Variants in NPAS2 observed in about 807,000 individuals in gnomAD.
NPAS2 encodes the protein neuronal PAS domain-containing protein 2.
Under a neutral mutation model 107.5 loss-of-function variants are expected in NPAS2, and 23 were observed. The ratio of observed to expected loss-of-function variants is 0.21; its 90% CI spans 0.15 to 0.30. NPAS2 has a LOEUF of 0.30. NPAS2 is among the 10% of genes least tolerant of loss of function. The probability of loss-of-function intolerance (pLI) is 1.00; values close to 1 mark genes in which losing one functional copy is unlikely to be tolerated. For missense variants in NPAS2, 756 were observed against 1,043.3 expected (o/e 0.72, Z 3.79); for synonymous variants, 403 against 417.5 (o/e 0.97, Z 0.42).
intron 1 of NPAS2, among the ~76,000 whole-genome samples, chr2:100,877,445 C>CAAAA (rs72050213): frequency 3.2e-4 from 26 of 81,512 alleles, no homozygotes; most frequent in South Asian, 5.4e-4. Flanking sequence ...GACTCCGTCT[C>CAAAA]AAAAAAAAAA....
chr2:100,991,717 G>T (rs530250294), intron 19 of NPAS2, among the ~76,000 whole-genome samples: 1 of 152,264 alleles, frequency 6.6e-6, no homozygotes, highest in East Asian at 1.9e-4. Context: ...AAAACCCTAG[G>T]GTGTAGGCAC....
intron 1 of NPAS2, among the ~76,000 whole-genome samples, chr2:100,835,685 C>T (rs1022318253): frequency 6.6e-6 from 1 of 152,176 alleles, no homozygotes; most frequent in Non-Finnish European, 1.5e-5. Context: ...CATCTTTCTT[C>T]AGCTGAGCTT....
At chr2:100,984,224 C>G (rs545392749) in intron 16 of NPAS2, 1 of 152,228 alleles carries the variant, frequency 6.6e-6, no homozygotes, top group Non-Finnish European at 1.5e-5. Context: ...CACAGATAGT[C>G]GAGACAGAGG....
In NPAS2 at chr2:100,982,340, A is replaced by G; in HGVS notation, c.1592A>G (p.Gln531Arg). 6.2e-7 allele frequency: 1 copy of G among 1,614,230 alleles called. No individual in the cohort carries two copies. Among genetic ancestry groups the G allele is most frequent in the Non-Finnish European group, 8.5e-7 (1 of 1,180,048 alleles). The change falls in exon 16 of 21, where the codon CAG (glutamine) becomes CGG (arginine). Residue 531 changes from glutamine to arginine, a missense_variant. Physicochemically the swap from Gln to Arg is conservative, Grantham distance 43. Coordinates refer to ENST00000335681, the MANE Select transcript of NPAS2 (RefSeq NM_002518.4). Reference sequence around the variant, plus strand: ...CAACAGGAAGAGCTCCACAAGATCCAGGAGCAGCTCTGCCTGGTCCAGGAC... The same window carrying G: ...CAACAGGAAGAGCTCCACAAGATCCGGGAGCAGCTCTGCCTGGTCCAGGAC... ...RWQQEELHKI[Q>R]EQLCLVQDSN...
intron 1 of NPAS2, among the ~76,000 whole-genome samples, chr2:100,883,833 G>A (rs1380731848): frequency 6.6e-6 from 1 of 152,098 alleles, no homozygotes; most frequent in Non-Finnish European, 1.5e-5. Flanking sequence ...TGCCTCCCCC[G>A]AGGCCACCTA....
intron 16 of NPAS2, chr2:100,987,817 T>G (rs1307545393): frequency 7.7e-6 from 4 of 518,634 alleles, no homozygotes; most frequent in Non-Finnish European, 1.4e-5. Flanking sequence ...TAAACAGCTT[T>G]CACATTGTTA....
Position 100,854,234 on chromosome 2 carries a change from T to C in NPAS2, c.-23+33820T>C, listed in dbSNP as rs550426658. ...CTGGTGACCTCTCTGTGGCGTGGCA[T>C]GTAGCCTTAGAGACGGGCTCCTAGG... On this transcript the variant is annotated intron_variant, in intron 1 of 20. Coordinates refer to ENST00000335681, the MANE Select transcript of NPAS2 (RefSeq NM_002518.4). 2.0e-5 allele frequency among the ~76,000 whole-genome samples: 3 copies of C among 148,866 alleles called. No individual in the cohort carries two copies. The South Asian group carries it at 6.5e-4, about 32-fold the overall frequency.
chr2:100,958,056 G>A (rs1370353614), intron 7 of NPAS2, among the ~76,000 whole-genome samples: 2 of 152,188 alleles, frequency 1.3e-5, no homozygotes, highest in East Asian at 1.9e-4. Flanking sequence ...GGATGTAGAT[G>A]TGTGTCTGAC....
chr2:100,884,765 G>A (rs1680586577), intron 1 of NPAS2, among the ~76,000 whole-genome samples: 1 of 152,132 alleles, frequency 6.6e-6, no homozygotes, highest in South Asian at 2.1e-4. Flanking sequence ...TGGGAAGGAG[G>A]AAAGACTCAA....
intron 17 of NPAS2, 79 bp from the exon 18 acceptor site, chr2:100,990,177 G>A (rs901508311): frequency 1.4e-5 from 18 of 1,282,324 alleles, no homozygotes; most frequent in Non-Finnish European, 1.9e-5. Context: ...GTAGAAGGAG[G>A]AGACACTGGG....
At chr2:100,885,073 C>T (rs1192569667) in intron 1 of NPAS2, among the ~76,000 whole-genome samples, 4 of 151,998 alleles carry the variant, frequency 2.6e-5, no homozygotes, top group East Asian at 3.9e-4. Flanking sequence ...CTCAGCCTCC[C>T]GCGTAGCTGG....
At chr2:100,925,360 A>AC in intron 3 of NPAS2, 66 bp downstream of exon 3, 1 of 1,555,166 alleles carries the variant, frequency 6.4e-7, no homozygotes, top group Non-Finnish European at 8.8e-7. Context: ...TGACTTCACC[A>AC]ATCTGGGCTG....
Position 100,996,061 on chromosome 2 carries a change from G to T in NPAS2, c.*479G>T. On this transcript the variant is annotated 3_prime_UTR_variant, in exon 21 of 21. Coordinates refer to ENST00000335681, the MANE Select transcript of NPAS2 (RefSeq NM_002518.4). ...TATTTTTCATTATTTTTAAATGGTT[G>T]TTTTTGTTTTAATTTGCACAGCTAC... The T allele has an allele frequency of 1.1e-6, 1 of 941,376 alleles. No homozygotes were observed. The highest frequency in any genetic ancestry group is 6.3e-5 in the East Asian group (1 of 15,768). The allele number at this position is 941,376 out of a possible 1,614,324, so 58.3% of individuals were successfully genotyped here.
intron 1 of NPAS2, among the ~76,000 whole-genome samples, chr2:100,887,027 A>G (rs1309576558): frequency 6.6e-6 from 1 of 152,224 alleles, no homozygotes; most frequent in East Asian, 1.9e-4. Context: ...TGAGGAAGAA[A>G]GGGCTCTAAA....
rs182052592 is a variant in NPAS2 at position 100,953,196 on chromosome 2, G to A, written c.598+3716G>A. On this transcript the variant is annotated intron_variant, in intron 7 of 20. Coordinates refer to ENST00000335681, the MANE Select transcript of NPAS2 (RefSeq NM_002518.4). ...TTGAAACCAGCCTGGCCAACATGGC[G>A]AAACCCCATCTCTACTAAAAATACA... is the stretch of plus-strand genomic sequence containing the variant. Among the ~76,000 whole-genome samples, 459 of 151,576 alleles carry A rather than the reference G, an allele frequency of 3.0e-3. 20 individuals are homozygous for A. The highest frequency in any genetic ancestry group is 0.01 in the Middle Eastern group (3 of 292).
chr2:100,881,411 C>T (rs1015848135), intron 1 of NPAS2, among the ~76,000 whole-genome samples: 1 of 152,240 alleles, frequency 6.6e-6, no homozygotes, highest in Non-Finnish European at 1.5e-5. Context: ...TGGGCCGGGG[C>T]ATGGGGGCTC....
chr2:100,859,504 G>A (rs1365507890), intron 1 of NPAS2, among the ~76,000 whole-genome samples: 12 of 152,132 alleles, frequency 7.9e-5, no homozygotes, highest in Admixed American at 3.3e-4. Context: ...TGGGGAGTTC[G>A]GTCCAGTCTA....
intron 1 of NPAS2, among the ~76,000 whole-genome samples, chr2:100,888,472 G>A (rs920155052): frequency 2.0e-5 from 3 of 152,156 alleles, no homozygotes; most frequent in African/African-American, 7.2e-5. Flanking sequence ...CTGGCAGCTT[G>A]TCATCTGAGG....
chr2:100,875,675 T>C (rs1451442946), intron 1 of NPAS2, among the ~76,000 whole-genome samples: 1 of 152,262 alleles, frequency 6.6e-6, no homozygotes, highest in Non-Finnish European at 1.5e-5. Flanking sequence ...GAAGGTCGTT[T>C]ACTTTGGCAT....
Sources: gnomAD v4.1 joint callset for allele counts (sites outside exome capture counted in the v4.1 genomes callset) on GRCh38, gnomAD v4.1.1 for gene constraint, MANE v1.5 for transcripts, NCBI Gene and HGNC (gene_info 2026-07-23, HGNC 2026-07-21) for gene names.